The following ANKRD30BL variants were observed in gnomAD, a reference collection of about 807,000 sequenced individuals.
ANKRD30BL encodes putative ankyrin repeat domain-containing protein 30B-like.
In ANKRD30BL, 20 loss-of-function variants were observed where a neutral mutation model predicts 18.4. The ratio of observed to expected loss-of-function variants is 1.09; its 90% CI spans 0.77 to 1.58. The LOEUF (loss-of-function observed/expected upper bound fraction) is 1.58, where lower values mean the gene tolerates loss of function less well. ANKRD30BL is among the 40% of genes most tolerant of loss of function. The pLI, the probability that ANKRD30BL is intolerant of heterozygous loss-of-function variation, is 0.00. For missense variants in ANKRD30BL, 224 were observed against 268.6 expected (o/e 0.83, Z 1.16); for synonymous variants, 72 against 100.9 (o/e 0.71, Z 1.72).
intron 1 of ANKRD30BL, among the ~76,000 whole-genome samples, chr2:132,158,012 AT>A (rs145431168): frequency 0.057 from 8,730 of 152,254 alleles, 825 homozygotes; most frequent in African/African-American, 0.2. Context: ...AATGCCGCTT[AT>A]AAGTCATTAT....
At chr2:132,208,888 G>A (rs899231856) in intron 1 of ANKRD30BL, among the ~76,000 whole-genome samples, 3 of 151,892 alleles carry the variant, frequency 2.0e-5, no homozygotes, top group African/African-American at 2.4e-5. Flanking sequence ...TGTGATGTGT[G>A]CATTCACCTC....
intron 1 of ANKRD30BL, among the ~76,000 whole-genome samples, chr2:132,206,526 G>A (rs1679215812): frequency 6.6e-6 from 1 of 152,146 alleles, no homozygotes. Flanking sequence ...TATGTAAAAT[G>A]AGAATTATAA....
chr2:132,214,373 G>C (rs1377237159), intron 1 of ANKRD30BL, among the ~76,000 whole-genome samples: 1 of 152,018 alleles, frequency 6.6e-6, no homozygotes, highest in African/African-American at 2.4e-5. Context: ...ACTTGTTTGT[G>C]ATCTGTGCAT....
chr2:132,236,122 A>AACTG (rs1417847129), intron 1 of ANKRD30BL, among the ~76,000 whole-genome samples: 1 of 152,080 alleles, frequency 6.6e-6, no homozygotes, highest in African/African-American at 2.4e-5. Context: ...GTGCTGGGAA[A>AACTG]ACTGGCTAGC....
At chr2:132,171,156 A>T (rs1208062677) in intron 1 of ANKRD30BL, among the ~76,000 whole-genome samples, 2 of 149,472 alleles carry the variant, frequency 1.3e-5, no homozygotes, top group Non-Finnish European at 3.0e-5. Flanking sequence ...CTCTGTCTCA[A>T]AAAAAAAAAA....
chr2:132,174,991 C>CA (rs1457350521), intron 1 of ANKRD30BL, among the ~76,000 whole-genome samples: 1 of 152,072 alleles, frequency 6.6e-6, no homozygotes, highest in Non-Finnish European at 1.5e-5. Flanking sequence ...GCAAAAGTGG[C>CA]ATGGATTCAG....
chr2:132,241,299 T>G (rs953890696), intron 1 of ANKRD30BL, among the ~76,000 whole-genome samples: 1 of 151,864 alleles, frequency 6.6e-6, no homozygotes, highest in African/African-American at 2.4e-5. Context: ...AATCTGCAAG[T>G]GGATATTTGG....
intron 1 of ANKRD30BL, among the ~76,000 whole-genome samples, chr2:132,243,060 A>G (rs2104797924): frequency 6.6e-6 from 1 of 151,810 alleles, no homozygotes; most frequent in East Asian, 1.9e-4. Context: ...ATCTTCACAT[A>G]AAACTAGACA....
At chr2:132,198,096 G>A (rs1356419216) in intron 1 of ANKRD30BL, among the ~76,000 whole-genome samples, 1 of 151,640 alleles carries the variant, frequency 6.6e-6, no homozygotes, top group African/African-American at 2.4e-5. Flanking sequence ...CTATACTAAT[G>A]TAGTCATTTC....
rs1230449143 is a variant in ANKRD30BL, at chr2:132,161,648, G to T, written c.58C>A (p.Pro20Thr). The change falls in exon 1 of 6, where the codon CCC becomes ACC. Residue 20 changes from proline to threonine, a missense_variant. Pro to Thr is a conservative substitution (Grantham distance 38). This residue lies in a region of ANKRD30BL where 131 missense variants were observed against 128.8 expected (regional missense o/e 1.02). Coordinates refer to ENST00000409867, the MANE Select transcript of ANKRD30BL (RefSeq NM_001358416.1). ...KGQTGPERPSPFSQLVYTNND... is the reference protein window; with the variant it reads ...KGQTGPERPSTFSQLVYTNND... ...TTGGTGTAGACCAGCTGACTGAAGG[G>T]GCTCGGGCGCTCTGGGCCCGTCTGG... The T allele has an allele frequency of 1.4e-6, 2 of 1,452,928 alleles. No individual in the cohort carries two copies. Among genetic ancestry groups the T allele is most frequent in the Admixed American group, 2.0e-5 (1 of 50,840 alleles). The allele number at this position is 1,452,928 out of a possible 1,614,324, so 90.0% of individuals were successfully genotyped here.
chr2:132,188,652 G>C (rs1678768153), intron 1 of ANKRD30BL, among the ~76,000 whole-genome samples: 1 of 152,164 alleles, frequency 6.6e-6, no homozygotes, highest in South Asian at 2.1e-4. Context: ...GGAGCTTGTA[G>C]TGAGCCAAGA....
chr2:132,230,101 A>G (rs1398599172), intron 1 of ANKRD30BL, among the ~76,000 whole-genome samples: 1 of 151,312 alleles, frequency 6.6e-6, no homozygotes, highest in African/African-American at 2.4e-5. Context: ...CATTTAAAGC[A>G]CTTTGAGGCC....
intron 1 of ANKRD30BL, among the ~76,000 whole-genome samples, chr2:132,254,048 C>T (rs189270445): frequency 4.0e-5 from 6 of 149,922 alleles, no homozygotes; most frequent in Non-Finnish European, 8.9e-5. Context: ...ACCGTGACGC[C>T]GAGAACCACC....
intron 1 of ANKRD30BL, among the ~76,000 whole-genome samples, chr2:132,216,161 C>A (rs1341557995): frequency 6.6e-6 from 1 of 151,810 alleles, no homozygotes; most frequent in African/African-American, 2.4e-5. Context: ...CACTTTGTGG[C>A]ATATGGTGGA....
At chr2:132,242,815 T>C (rs527707269) in intron 1 of ANKRD30BL, among the ~76,000 whole-genome samples, 1 of 151,842 alleles carries the variant, frequency 6.6e-6, no homozygotes, top group South Asian at 2.1e-4. Flanking sequence ...TTTGAAACAC[T>C]CTTTTTGTAG....
chr2:132,160,359 C>T (rs1573805275), intron 1 of ANKRD30BL, among the ~76,000 whole-genome samples: 5 of 150,014 alleles, frequency 3.3e-5, no homozygotes, highest in African/African-American at 1.2e-4. Context: ...CCTTGGCCGC[C>T]CGAAGTGCTG....
chr2:132,242,812 C>T (rs1314826798), intron 1 of ANKRD30BL, among the ~76,000 whole-genome samples: 4 of 151,640 alleles, frequency 2.6e-5, no homozygotes, highest in Non-Finnish European at 5.9e-5. Context: ...ACTTTTGAAA[C>T]ACTCTTTTTG....
intron 1 of ANKRD30BL, among the ~76,000 whole-genome samples, chr2:132,237,185 T>G (rs529459768): frequency 2.6e-5 from 4 of 151,714 alleles, no homozygotes; most frequent in African/African-American, 9.7e-5. Flanking sequence ...AGAAGACGAG[T>G]TAGTGGGTGC....
At chr2:132,202,702 T>C (rs1679131964) in intron 1 of ANKRD30BL, among the ~76,000 whole-genome samples, 1 of 152,216 alleles carries the variant, frequency 6.6e-6, no homozygotes, top group Non-Finnish European at 1.5e-5. Context: ...CATGTACACA[T>C]ATATGAATAT....
Sources: allele counts gnomAD v4.1 joint callset (sites outside exome capture counted in the v4.1 genomes callset), GRCh38; gene constraint gnomAD v4.1.1; regional missense constraint gnomAD v4.1.1; transcripts MANE v1.5; gene names NCBI Gene and HGNC (gene_info 2026-07-23, HGNC 2026-07-21).